Variants in MACROD2 observed in about 807,000 individuals in gnomAD.
MACROD2 encodes mono-ADP ribosylhydrolase 2, also known as ADP-ribose glycohydrolase MACROD2.
In MACROD2, 36 loss-of-function variants were observed where a neutral mutation model predicts 70.4. That is an observed-to-expected ratio of 0.51 (90% CI 0.39 to 0.68). The LOEUF is 0.68. Among genes scored for constraint, MACROD2 ranks in the 30% least tolerant of loss-of-function variants. MACROD2 has a pLI of 0.00. For missense variants in MACROD2, 496 were observed against 538.4 expected, an observed-to-expected ratio of 0.92 and a Z score of 0.78; for synonymous variants, 172 against 178.8, an observed-to-expected ratio of 0.96 and a Z score of 0.30.
intron 3 of MACROD2, among the ~76,000 whole-genome samples, chr20:14,458,675 T>C (rs1349815308): frequency 6.6e-6 from 1 of 152,072 alleles, no homozygotes. Flanking sequence ...TCCATTTGGC[T>C]GTTCCTGAGT....
intron 7 of MACROD2, among the ~76,000 whole-genome samples, chr20:15,451,240 G>C (rs1382227383): frequency 1.3e-5 from 2 of 151,814 alleles, no homozygotes. Context: ...GGTTTTTTCA[G>C]TGTGAAGGAT....
At chr20:15,582,464 A>G (rs6074920) in intron 8 of MACROD2, among the ~76,000 whole-genome samples, 33,575 of 152,130 alleles carry the variant, frequency 0.22, 4,483 homozygotes, top group Non-Finnish European at 0.29. Context: ...AAAAACATCA[A>G]TTTGGTTGTA....
chr20:15,534,291 A>AATGTATAG (rs2047844398), intron 8 of MACROD2, among the ~76,000 whole-genome samples: 1 of 152,238 alleles, frequency 6.6e-6, no homozygotes, highest in Non-Finnish European at 1.5e-5. Flanking sequence ...GTCATTGAAA[A>AATGTATAG]ATGTATAGCT....
At chr20:15,379,422 TA>T (rs1378211818) in intron 6 of MACROD2, among the ~76,000 whole-genome samples, 1 of 152,134 alleles carries the variant, frequency 6.6e-6, no homozygotes, top group Admixed American at 6.6e-5. Flanking sequence ...CCACTTGGCA[TA>T]GTCTTGGCAT....
At chr20:14,260,889 T>G (rs1349083731) in intron 3 of MACROD2, among the ~76,000 whole-genome samples, 3 of 152,238 alleles carry the variant, frequency 2.0e-5, no homozygotes, top group African/African-American at 7.2e-5. Context: ...GGAAGGCCTA[T>G]TCCATACTGA....
intron 10 of MACROD2, among the ~76,000 whole-genome samples, chr20:15,894,783 G>A (rs1358230884): frequency 2.6e-5 from 4 of 152,200 alleles, no homozygotes; most frequent in Non-Finnish European, 5.9e-5. Flanking sequence ...TCAGTGAAAT[G>A]TGCTTGAAAG....
chr20:15,716,586 C>G (rs908581903), intron 8 of MACROD2, among the ~76,000 whole-genome samples: 1 of 152,102 alleles, frequency 6.6e-6, no homozygotes, highest in Non-Finnish European at 1.5e-5. Context: ...TATACTTTAC[C>G]CCCAATTCTA....
intron 6 of MACROD2, among the ~76,000 whole-genome samples, chr20:15,298,528 C>T (rs989263919): frequency 6.6e-6 from 1 of 152,206 alleles, no homozygotes; most frequent in Non-Finnish European, 1.5e-5. Flanking sequence ...AAACACCAAA[C>T]AACCTCCAAG....
chr20:15,253,161 G>A (rs929252910), intron 6 of MACROD2, among the ~76,000 whole-genome samples: 1 of 152,190 alleles, frequency 6.6e-6, no homozygotes, highest in Non-Finnish European at 1.5e-5. Flanking sequence ...AGGCAGGAAA[G>A]GGAAGGTTTT....
At chr20:15,711,367 G>C (rs954194432) in intron 8 of MACROD2, among the ~76,000 whole-genome samples, 32 of 152,350 alleles carry the variant, frequency 2.1e-4, no homozygotes, top group African/African-American at 7.5e-4. Context: ...TTGTGCAGGT[G>C]TAAGTCTCTG....
At chr20:14,593,376 A>G (rs1981909320) in intron 4 of MACROD2, among the ~76,000 whole-genome samples, 1 of 152,196 alleles carries the variant, frequency 6.6e-6, no homozygotes, top group Admixed American at 6.5e-5. Flanking sequence ...AATTAAGAAT[A>G]AAACAGTGAG....
chr20:15,361,182 A>G (rs915031625), intron 6 of MACROD2, among the ~76,000 whole-genome samples: 6 of 152,294 alleles, frequency 3.9e-5, no homozygotes, highest in African/African-American at 1.4e-4. Flanking sequence ...TAAAAATTTC[A>G]TAGTTTTATA....
At chr20:15,209,115 G>GTAGTTATTTATT (rs2076738403) in intron 5 of MACROD2, among the ~76,000 whole-genome samples, 1 of 147,074 alleles carries the variant, frequency 6.8e-6, no homozygotes, top group Non-Finnish European at 1.5e-5. Context: ...GGTGGTGGTG[G>GTAGTTATTTATT]TATTTATTTA....
chr20:14,944,551 A>C (rs535085954), intron 5 of MACROD2, among the ~76,000 whole-genome samples: 2 of 152,252 alleles, frequency 1.3e-5, no homozygotes, highest in East Asian at 3.9e-4. Context: ...GATGCAATGA[A>C]AAGGAGAAAC....
intron 4 of MACROD2, among the ~76,000 whole-genome samples, chr20:14,619,520 G>A (rs1365523539): frequency 2.4e-5 from 3 of 126,288 alleles, no homozygotes; most frequent in Non-Finnish European, 5.0e-5. Flanking sequence ...GGAAAGGAGG[G>A]AAGGAGGGAG....
intron 3 of MACROD2, among the ~76,000 whole-genome samples, chr20:14,300,198 G>T (rs900705402): frequency 6.6e-6 from 1 of 152,186 alleles, no homozygotes; most frequent in Non-Finnish European, 1.5e-5. Context: ...AATGATAACA[G>T]CTAATGTCTG....
intron 3 of MACROD2, among the ~76,000 whole-genome samples, chr20:14,381,646 G>C (rs551687446): frequency 2.6e-5 from 4 of 152,166 alleles, no homozygotes; most frequent in Non-Finnish European, 5.9e-5. Flanking sequence ...GTAAAAAATA[G>C]CAGTGAGCGG....
chr20:15,829,181 C>T (rs979118237), intron 8 of MACROD2, among the ~76,000 whole-genome samples: 2 of 151,938 alleles, frequency 1.3e-5, no homozygotes, highest in Admixed American at 6.6e-5. Flanking sequence ...ATTACTGTTC[C>T]TCAAAAAGCA....
chr20:14,233,991 C>T (rs576617971), intron 3 of MACROD2, among the ~76,000 whole-genome samples: 2 of 152,184 alleles, frequency 1.3e-5, no homozygotes, highest in South Asian at 4.1e-4. Context: ...TATGATATTA[C>T]GGATTTGCAA....
Sources: allele counts gnomAD v4.1 joint callset (sites outside exome capture counted in the v4.1 genomes callset), GRCh38; gene constraint gnomAD v4.1.1; transcripts MANE v1.5; gene names NCBI Gene and HGNC (gene_info 2026-07-23, HGNC 2026-07-21).